The following SLC2A13 variants were observed in gnomAD, a reference collection of about 807,000 sequenced individuals.
SLC2A13 encodes proton myo-inositol cotransporter.
In SLC2A13, 32 loss-of-function variants were observed where a neutral mutation model predicts 64.4. That is an observed-to-expected ratio of 0.50 (90% confidence interval 0.37 to 0.67). SLC2A13 has a LOEUF of 0.67. Among genes scored for constraint, SLC2A13 ranks in the 30% least tolerant of loss-of-function variants. SLC2A13 has a pLI of 0.00. For synonymous variants in SLC2A13, 338 were observed against 327.1 expected, an observed-to-expected ratio of 1.03 and a Z score of -0.36; for missense variants, 743 against 829.2, an observed-to-expected ratio of 0.90 and a Z score of 1.28.
intron 4 of SLC2A13, among the ~76,000 whole-genome samples, chr12:39,888,373 T>A (rs1475783544): frequency 6.6e-6 from 1 of 152,168 alleles, no homozygotes; most frequent in African/African-American, 2.4e-5. Flanking sequence ...TACAGGTGCA[T>A]GGCACCACAC....
In SLC2A13 at chr12:39,826,709, G is replaced by GT. The variant is rs150029103; in HGVS notation, c.1445+3393dup. Among the ~76,000 whole-genome samples the GT allele has an allele frequency of 6.4e-3, 925 of 145,430 alleles. 6 individuals are homozygous for GT. The highest frequency in any genetic ancestry group is 0.021 in the African/African-American group (829 of 40,094). On this transcript the variant is annotated intron_variant, in intron 7 of 9. Coordinates refer to ENST00000280871, the MANE Select transcript of SLC2A13 (RefSeq NM_052885.4). The stretch of plus-strand genomic sequence containing the variant: ...TTTCTCTAAAATTTCAGCTTCCCAA[G>GT]TTTTTTTTTTGCAAAATTGCTGAAT...
At chr12:40,055,463 C>T (rs1030953849) in intron 1 of SLC2A13, among the ~76,000 whole-genome samples, 2 of 152,144 alleles carry the variant, frequency 1.3e-5, no homozygotes, top group Non-Finnish European at 2.9e-5. Flanking sequence ...GCCTGTATCA[C>T]GTTTGTCTCT....
chr12:39,933,220 C>A (rs571776999), intron 4 of SLC2A13, among the ~76,000 whole-genome samples: 3 of 152,136 alleles, frequency 2.0e-5, no homozygotes, highest in Non-Finnish European at 4.4e-5. Flanking sequence ...CAGAGCAAGA[C>A]CCTGCCTAAC....
At chr12:39,854,241 G>GATA (rs199775239) in intron 6 of SLC2A13, among the ~76,000 whole-genome samples, 20 of 151,926 alleles carry the variant, frequency 1.3e-4, no homozygotes, top group Admixed American at 2.0e-4. Flanking sequence ...TGTAAAATTG[G>GATA]ATAATAATAA....
At chr12:39,909,839 C>A (rs573913560) in intron 4 of SLC2A13, among the ~76,000 whole-genome samples, 1 of 149,346 alleles carries the variant, frequency 6.7e-6, no homozygotes, top group South Asian at 2.1e-4. Flanking sequence ...GTTTTCTTTT[C>A]ATTACTCTTC....
intron 7 of SLC2A13, among the ~76,000 whole-genome samples, chr12:39,775,525 A>G (rs10444571): frequency 0.98 from 148,575 of 152,346 alleles, 72,452 homozygotes; most frequent in East Asian, 1. Context: ...TGAGTGGTCT[A>G]AGAAAATGTT....
intron 1 of SLC2A13, among the ~76,000 whole-genome samples, chr12:40,069,576 T>A (rs1404080958): frequency 6.6e-6 from 1 of 152,100 alleles, no homozygotes; most frequent in South Asian, 2.1e-4. Flanking sequence ...ATTACCAGCA[T>A]CTACAGATGC....
At chr12:39,858,255 TG>T (rs759848938) in intron 6 of SLC2A13, among the ~76,000 whole-genome samples, 1 of 152,238 alleles carries the variant, frequency 6.6e-6, no homozygotes, top group Non-Finnish European at 1.5e-5. Context: ...GTGGACTTTT[TG>T]TTCCAACTTT....
chr12:39,952,757 G>A (rs1033155123), intron 3 of SLC2A13, among the ~76,000 whole-genome samples: 2 of 152,080 alleles, frequency 1.3e-5, no homozygotes, highest in South Asian at 2.1e-4. Flanking sequence ...CCTTAGATTC[G>A]AGCAAAGCAG....
intron 7 of SLC2A13, among the ~76,000 whole-genome samples, chr12:39,776,268 T>TGC (rs1940772442): frequency 1.4e-4 from 1 of 7,216 alleles, no homozygotes; most frequent in African/African-American, 4.8e-4. Flanking sequence ...ATATTTATAC[T>TGC]ACACACTGCT....
chr12:40,082,139 C>T (rs1016872514), intron 1 of SLC2A13, among the ~76,000 whole-genome samples: 1 of 152,116 alleles, frequency 6.6e-6, no homozygotes, highest in Non-Finnish European at 1.5e-5. Context: ...CAGCAGGGGT[C>T]CCTGCACATG....
chr12:40,025,042 C>A (rs1947781476), intron 3 of SLC2A13, among the ~76,000 whole-genome samples: 1 of 152,228 alleles, frequency 6.6e-6, no homozygotes, highest in Non-Finnish European at 1.5e-5. Context: ...GTGCTGAGCA[C>A]ACGTGAAAAC....
intron 4 of SLC2A13, among the ~76,000 whole-genome samples, chr12:39,944,336 G>A (rs977995129): frequency 6.6e-6 from 1 of 152,236 alleles, no homozygotes; most frequent in Non-Finnish European, 1.5e-5. Flanking sequence ...TGGATGAAAT[G>A]TTCTATATGT....
At chr12:40,018,646 T>C (rs1947659200) in intron 3 of SLC2A13, among the ~76,000 whole-genome samples, 1 of 152,212 alleles carries the variant, frequency 6.6e-6, no homozygotes, top group Non-Finnish European at 1.5e-5. Flanking sequence ...CAAAAGGCCT[T>C]CTTTGCCCAG....
chr12:39,804,709 GGACAGACATTCTA>G (rs1302246445), intron 7 of SLC2A13, among the ~76,000 whole-genome samples: 1 of 152,008 alleles, frequency 6.6e-6, no homozygotes, highest in Non-Finnish European at 1.5e-5. Context: ...TCCTCTCAGA[GGACAGACATTCTA>G]GAAATGTAGA....
chr12:40,075,432 C>T (rs539109694), intron 1 of SLC2A13, among the ~76,000 whole-genome samples: 2 of 152,308 alleles, frequency 1.3e-5, no homozygotes, highest in South Asian at 4.1e-4. Flanking sequence ...CCTATGACCT[C>T]ACTTCTCTTT....
chr12:39,978,515 C>T (rs1279617136), intron 3 of SLC2A13, among the ~76,000 whole-genome samples: 2 of 152,190 alleles, frequency 1.3e-5, no homozygotes, highest in Admixed American at 1.3e-4. Context: ...ACCTGGGAAG[C>T]GCAAGGGGTC....
At chr12:40,070,339 T>C (rs1937906448) in intron 1 of SLC2A13, among the ~76,000 whole-genome samples, 1 of 152,154 alleles carries the variant, frequency 6.6e-6, no homozygotes, top group African/African-American at 2.4e-5. Context: ...TGCAAATAAC[T>C]GCTTTGTTCT....
intron 6 of SLC2A13, among the ~76,000 whole-genome samples, chr12:39,833,873 T>C (rs1220721993): frequency 1.7e-4 from 25 of 149,596 alleles, no homozygotes. Context: ...TCCACACTTT[T>C]GCCTCTGAAG....
Sources: allele counts gnomAD v4.1 joint callset (sites outside exome capture counted in the v4.1 genomes callset), GRCh38; gene constraint gnomAD v4.1.1; transcripts MANE v1.5; gene names NCBI Gene and HGNC (gene_info 2026-07-23, HGNC 2026-07-21).